Variants in CDK19 observed in about 807,000 individuals in gnomAD.
The protein encoded by CDK19 is cyclin-dependent kinase 19.
CDK19 carries 20 observed loss-of-function variants against 68.3 expected under a neutral mutation model. The ratio of observed to expected loss-of-function variants is 0.29; its 90% CI spans 0.21 to 0.43. The LOEUF is 0.43. Among genes scored for constraint, CDK19 ranks in the 20% least tolerant of loss-of-function variants. The probability of loss-of-function intolerance (pLI) is 1.00; values close to 1 mark genes in which losing one functional copy is unlikely to be tolerated. For synonymous variants in CDK19, 221 were observed against 222.8 expected (o/e 0.99, Z 0.07); for missense variants, 339 against 623.5 (o/e 0.54, Z 4.86).
chr6:110,626,557 CT>C (rs1166201977), intron 8 of CDK19, among the ~76,000 whole-genome samples: 1 of 152,172 alleles, frequency 6.6e-6, no homozygotes, highest in South Asian at 2.1e-4. Context: ...GCATCTGCCC[CT>C]TTTTGCCCTT....
At chr6:110,633,190 G>T (rs1779554412) in intron 5 of CDK19, among the ~76,000 whole-genome samples, 2 of 152,326 alleles carry the variant, frequency 1.3e-5, no homozygotes, top group Non-Finnish European at 1.5e-5. Flanking sequence ...CTGCACTCCA[G>T]CCTGGGTGAC....
intron 1 of CDK19, chr6:110,814,808 A>G: frequency 1.4e-6 from 1 of 702,470 alleles, no homozygotes; most frequent in South Asian, 1.5e-5. Flanking sequence ...GCGCCGCGGG[A>G]GTTCGAGGTA....
chr6:110,696,582 A>G (rs1438192865), intron 2 of CDK19, among the ~76,000 whole-genome samples: 1 of 152,190 alleles, frequency 6.6e-6, no homozygotes, highest in Admixed American at 6.5e-5. Context: ...ATATGATTGT[A>G]TACCTAGAAA....
intron 4 of CDK19, chr6:110,645,912 C>T: frequency 1.1e-6 from 1 of 874,438 alleles, no homozygotes; most frequent in Non-Finnish European, 1.8e-6. Flanking sequence ...GCGAACTGTG[C>T]CGGGACAGCA....
chr6:110,722,737 A>G (rs1775996606), intron 2 of CDK19, among the ~76,000 whole-genome samples: 1 of 152,094 alleles, frequency 6.6e-6, no homozygotes, highest in African/African-American at 2.4e-5. Flanking sequence ...ATGGTGGCAC[A>G]TGCCTGTAGT....
At chr6:110,810,438 G>A (rs1023010999) in intron 1 of CDK19, among the ~76,000 whole-genome samples, 5 of 152,134 alleles carry the variant, frequency 3.3e-5, no homozygotes, top group African/African-American at 7.2e-5. Flanking sequence ...AGAAATAATG[G>A]CCAAAAGTGT....
intron 2 of CDK19, chr6:110,706,870 G>GC (rs1488324172): frequency 1.5e-5 from 3 of 201,228 alleles, no homozygotes; most frequent in African/African-American, 2.3e-5. Context: ...ATAACTCCAC[G>GC]TTTTCTAAAA....
chr6:110,634,055 A>G (rs1174848568), intron 5 of CDK19, among the ~76,000 whole-genome samples: 1 of 152,206 alleles, frequency 6.6e-6, no homozygotes, highest in Admixed American at 6.5e-5. Flanking sequence ...AGGGGCCCCA[A>G]TGTACTATAA....
At chr6:110,754,033 CTTT>C (rs751347932) in intron 1 of CDK19, among the ~76,000 whole-genome samples, 1 of 138,750 alleles carries the variant, frequency 7.2e-6, no homozygotes, top group Non-Finnish European at 1.6e-5. Flanking sequence ...TTGGCAAATT[CTTT>C]TTTTTTTTTT....
intron 8 of CDK19, among the ~76,000 whole-genome samples, chr6:110,625,627 A>G (rs1779041828): frequency 6.6e-6 from 1 of 152,208 alleles, no homozygotes; most frequent in African/African-American, 2.4e-5. Flanking sequence ...AAGTGAACTG[A>G]GTAAGATACA....
chr6:110,806,397 C>G (rs1441551849), intron 1 of CDK19, among the ~76,000 whole-genome samples: 1 of 145,698 alleles, frequency 6.9e-6, no homozygotes, highest in Non-Finnish European at 1.5e-5. Flanking sequence ...TCTTAGCCAA[C>G]CCCCCCATCT....
intron 2 of CDK19, among the ~76,000 whole-genome samples, chr6:110,705,322 G>C (rs926839461): frequency 1.3e-5 from 2 of 152,178 alleles, no homozygotes; most frequent in African/African-American, 4.8e-5. Context: ...TTACAGGCGT[G>C]AGCCACTGCG....
intron 2 of CDK19, among the ~76,000 whole-genome samples, chr6:110,699,934 C>CT (rs1270154814): frequency 6.6e-6 from 1 of 152,120 alleles, no homozygotes; most frequent in Non-Finnish European, 1.5e-5. Flanking sequence ...GGCTCATGGC[C>CT]TGTTAGGAAC....
chr6:110,799,723 A>C (rs1782216126), intron 1 of CDK19, among the ~76,000 whole-genome samples: 1 of 151,994 alleles, frequency 6.6e-6, no homozygotes, highest in Admixed American at 6.6e-5. Context: ...TCAGCCCCCA[A>C]GTTAGCTAGG....
chr6:110,683,874 T>G (rs1772223320), intron 2 of CDK19, among the ~76,000 whole-genome samples: 1 of 151,250 alleles, frequency 6.6e-6, no homozygotes, highest in South Asian at 2.1e-4. Flanking sequence ...GCTCATTTTT[T>G]GTATTTTTTT....
intron 2 of CDK19, among the ~76,000 whole-genome samples, chr6:110,693,654 G>A (rs1773226906): frequency 6.6e-6 from 1 of 152,144 alleles, no homozygotes; most frequent in Non-Finnish European, 1.5e-5. Context: ...CTGGTGACCT[G>A]AATGACACAA....
At chr6:110,750,366 A>C (rs796979762) in intron 1 of CDK19, among the ~76,000 whole-genome samples, 16 of 111,346 alleles carry the variant, frequency 1.4e-4, no homozygotes, top group Non-Finnish European at 2.2e-4. Flanking sequence ...CAGAGCTAAG[A>C]CCAGCTCTTC....
At position 110,610,389 on chromosome 6, in the gene CDK19, TAATA is replaced by T. The variant is rs1461999187; in HGVS notation, c.*4142_*4145del. On this transcript the variant is annotated 3_prime_UTR_variant, in exon 13 of 13. Transcript: ENST00000368911. ...GGACACCTTCAGTCCAGATTTTGTG[TAATA>T]CTTTTAGTGTCTACACAGACAAATC... is the stretch of plus-strand genomic sequence containing the variant. 1 of 152,582 alleles carries T rather than the reference TAATA, an allele frequency of 6.6e-6. No homozygotes were observed. Among genetic ancestry groups the T allele is most frequent in the Non-Finnish European group, 1.5e-5 (1 of 68,030 alleles). The allele number at this position is 152,582 out of a possible 1,614,324, so 9.5% of individuals were successfully genotyped here.
chr6:110,612,897 T>C lies in CDK19; in HGVS notation c.*1638A>G, dbSNP rs1433691559. On this transcript the variant is annotated 3_prime_UTR_variant, in exon 13 of 13. Transcript: ENST00000368911. ...TATCACATCAATAGTGCAAAATGTATACTGGCTTCTGTCTAATCTTATTTT... is the reference window on the plus strand; with the variant it reads ...TATCACATCAATAGTGCAAAATGTACACTGGCTTCTGTCTAATCTTATTTT... 6.5e-6 allele frequency: 1 copy of C among 152,676 alleles called. No homozygotes were observed. Among genetic ancestry groups the C allele is most frequent in the East Asian group, 1.9e-4 (1 of 5,204 alleles). The allele number at this position is 152,676 out of a possible 1,614,324, so 9.5% of individuals were successfully genotyped here.
Sources: allele counts gnomAD v4.1 joint callset (sites outside exome capture counted in the v4.1 genomes callset), GRCh38; gene constraint gnomAD v4.1.1; transcripts MANE v1.5; gene names NCBI Gene and HGNC (gene_info 2026-07-23, HGNC 2026-07-21).